Variants in ZNF678 observed in about 807,000 individuals in gnomAD.
ZNF678 encodes the protein hypothetical protein MGC42493.
A neutral mutation model predicts 3.0 loss-of-function variants in ZNF678; 5 were observed. The observed-to-expected ratio is 1.69, with a 90% CI of 0.88 to 3.56. The LOEUF is 3.56. ZNF678 is among the 30% of genes most tolerant of loss of function. The pLI is 0.00. For missense variants in ZNF678, 593 were observed against 605.0 expected (o/e 0.98, Z 0.21); for synonymous variants, 218 against 199.6 (o/e 1.09, Z -0.78).
rs1484915994 is a variant in ZNF678 at position 227,658,142 on chromosome 1, AC to A, written c.*2317del. 2.0e-5 allele frequency: 3 copies of A among 151,754 alleles called. No homozygotes were observed. Among genetic ancestry groups the A allele is most frequent in the African/African-American group, 2.4e-5 (1 of 41,340 alleles). 9.4% of individuals were successfully genotyped at this position (151,754 alleles called of 1,614,324 possible). ...TTTATTTTTGTATTTCAATTGGAGAACCCTATTTTGGCCAATTTTTACTTGG... is the reference window on the plus strand; with the variant it reads ...TTTATTTTTGTATTTCAATTGGAGAACCTATTTTGGCCAATTTTTACTTGG... On this transcript the variant is annotated 3_prime_UTR_variant, in exon 4 of 4. Transcript: ENST00000343776.
intron 1 of ZNF678, among the ~76,000 whole-genome samples, chr1:227,645,685 G>A (rs991509200): frequency 2.6e-5 from 4 of 152,138 alleles, no homozygotes; most frequent in Non-Finnish European, 4.4e-5. Flanking sequence ...ATGGAGCTTC[G>A]CATGAAACTG....
At chr1:227,628,090 C>T (rs958361249) in intron 1 of ZNF678, among the ~76,000 whole-genome samples, 9 of 152,134 alleles carry the variant, frequency 5.9e-5, no homozygotes, top group African/African-American at 1.7e-4. Flanking sequence ...GTGAGTATGC[C>T]GTTCACATCA....
chr1:227,651,554 A>G (rs34892011), intron 3 of ZNF678, among the ~76,000 whole-genome samples: 1,687 of 152,266 alleles, frequency 0.011, 19 homozygotes, highest in South Asian at 0.022. Flanking sequence ...GGAGTTAATG[A>G]CAGTTACAGT....
chr1:227,563,804 C>A (rs1434039014), intron 1 of ZNF678, 80 bp downstream of exon 1: 1 of 1,249,268 alleles, frequency 8.0e-7, no homozygotes, highest in Non-Finnish European at 1.1e-6. Context: ...CCCGGAGTCC[C>A]GGCTGGCACC....
intron 1 of ZNF678, among the ~76,000 whole-genome samples, chr1:227,628,318 A>G (rs1250796238): frequency 6.6e-6 from 1 of 152,166 alleles, no homozygotes; most frequent in Non-Finnish European, 1.5e-5. Context: ...ACATATAAAG[A>G]AAAGTCTTGC....
At chr1:227,572,684 C>A (rs551292294) in intron 1 of ZNF678, among the ~76,000 whole-genome samples, 2 of 152,282 alleles carry the variant, frequency 1.3e-5, no homozygotes, top group Admixed American at 6.5e-5. Context: ...TGTAAAGGGG[C>A]CTTTCCGGAG....
chr1:227,678,381 T>C (rs887971782), downstream of ZNF678, among the ~76,000 whole-genome samples: 3 of 152,194 alleles, frequency 2.0e-5, no homozygotes, highest in African/African-American at 7.2e-5. Context: ...TGATCGCTCT[T>C]TCCCACATTC....
chr1:227,609,279 G>T (rs1483696683), intron 1 of ZNF678, among the ~76,000 whole-genome samples: 1 of 151,906 alleles, frequency 6.6e-6, no homozygotes, highest in Non-Finnish European at 1.5e-5. Flanking sequence ...ATTTGGAAAA[G>T]AACTAAACCA....
At chr1:227,584,666 G>T (rs1009720209) in intron 1 of ZNF678, among the ~76,000 whole-genome samples, 1 of 152,222 alleles carries the variant, frequency 6.6e-6, no homozygotes, top group Admixed American at 6.5e-5. Context: ...GAGAAAGATT[G>T]TGCTCAACTC....
chr1:227,567,653 T>A lies in ZNF678; in HGVS notation c.-164+3929T>A, dbSNP rs1281407213. On this transcript the variant is annotated intron_variant, in intron 1 of 3. Coordinates refer to ENST00000343776, the MANE Select transcript of ZNF678 (RefSeq NM_001367909.1). ...GTTTCTAGACTTTGTCAAATAAAGC[T>A]AATTTATATTTACATAAAAAGTTAC... 3.3e-5 allele frequency among the ~76,000 whole-genome samples: 5 copies of A among 152,210 alleles called. No homozygotes were observed. In the East Asian group the frequency reaches 9.6e-4, roughly 29 times the overall value.
chr1:227,649,859 A>G (rs939346092), intron 2 of ZNF678, among the ~76,000 whole-genome samples: 2 of 152,108 alleles, frequency 1.3e-5, no homozygotes, highest in African/African-American at 4.8e-5. Context: ...CAATTTTATT[A>G]TTATTATCAT....
intron 1 of ZNF678, among the ~76,000 whole-genome samples, chr1:227,625,729 G>T (rs1189321432): frequency 6.6e-6 from 1 of 152,080 alleles, no homozygotes; most frequent in Non-Finnish European, 1.5e-5. Context: ...CTAGTCCTTT[G>T]TAGGGGCTAG....
intron 1 of ZNF678, among the ~76,000 whole-genome samples, chr1:227,579,729 A>G (rs766961373): frequency 6.6e-6 from 1 of 152,152 alleles, no homozygotes; most frequent in Non-Finnish European, 1.5e-5. Context: ...GCAAGCAGAC[A>G]TGGCCAGGCT....
At chr1:227,571,929 C>T (rs1656854637) in intron 1 of ZNF678, among the ~76,000 whole-genome samples, 1 of 152,212 alleles carries the variant, frequency 6.6e-6, no homozygotes, top group Admixed American at 6.5e-5. Context: ...GTAGTCCCAG[C>T]TACTCAGGAG....
intron 1 of ZNF678, among the ~76,000 whole-genome samples, chr1:227,571,323 C>T (rs1254243236): frequency 1.3e-5 from 2 of 152,124 alleles, no homozygotes; most frequent in African/African-American, 4.8e-5. Context: ...AAATTCTTTT[C>T]TAGTGTTGTA....
chr1:227,632,265 A>G lies in ZNF678; in HGVS notation c.-163-14279A>G, dbSNP rs572238786. Among the ~76,000 whole-genome samples the G allele has an allele frequency of 4.5e-4, 68 of 152,256 alleles. 1 individual carries two copies. The South Asian group carries it at 0.013, about 29-fold the overall frequency. On this transcript the variant is annotated intron_variant, in intron 1 of 3. Transcript: ENST00000343776. ...TTCCTTAGATCCCTTTGAAGTTACA[A>G]ATTGCTCTAATACTTGGGAGAGGAA...
In ZNF678 at chr1:227,654,704, C is replaced by A. The variant is rs61283390; in HGVS notation, c.454C>A (p.Pro152Thr). The A allele has an allele frequency of 2.0e-3, 3,173 of 1,613,066 alleles. 50 individuals carry two copies. The African/African-American group carries it at 0.038, about 19-fold the overall frequency. The change falls in exon 4 of 4, where the codon CCC becomes ACC. Residue 152 changes from proline to threonine, a missense_variant. Pro to Thr is a conservative substitution (Grantham distance 38). Coordinates refer to ENST00000343776, the MANE Select transcript of ZNF678 (RefSeq NM_001367909.1). Reference sequence around the variant, plus strand: ...TAAAAGAATTCATACTGGAGAGAAACCCTACAAATGTGACGAATGTGGCAA... The same window carrying A: ...TAAAAGAATTCATACTGGAGAGAAAACCTACAAATGTGACGAATGTGGCAA... ...KHKRIHTGEK[P>T]YKCDECGKVF...
chr1:227,616,450 C>G (rs371489190), intron 1 of ZNF678, among the ~76,000 whole-genome samples: 1 of 152,086 alleles, frequency 6.6e-6, no homozygotes, highest in East Asian at 1.9e-4. Context: ...GAATTTTTCC[C>G]CAGAAACAAA....
intron 1 of ZNF678, among the ~76,000 whole-genome samples, chr1:227,594,146 A>T (rs542608871): frequency 1.3e-5 from 2 of 152,304 alleles, no homozygotes; most frequent in South Asian, 4.1e-4. Flanking sequence ...TCATAGTCCT[A>T]AGTGCCTTTT....
Sources: gnomAD v4.1 joint callset for allele counts (sites outside exome capture counted in the v4.1 genomes callset) on GRCh38, gnomAD v4.1.1 for gene constraint, MANE v1.5 for transcripts, NCBI Gene and HGNC (gene_info 2026-07-23, HGNC 2026-07-21) for gene names.